TTC17: variants seen among roughly 807,000 people sequenced by gnomAD.
TTC17 encodes tetratricopeptide repeat protein 17.
TTC17 carries 58 observed loss-of-function variants against 143.8 expected under a neutral mutation model. The ratio of observed to expected loss-of-function variants is 0.40; its 90% CI spans 0.33 to 0.50. The LOEUF (loss-of-function observed/expected upper bound fraction) is 0.50. Ranked by LOEUF, TTC17 falls within the 20% of genes least tolerant of loss-of-function variation. The probability of loss-of-function intolerance (pLI) is 0.49; values close to 1 mark genes in which losing one functional copy is unlikely to be tolerated. For synonymous variants in TTC17, 501 were observed against 497.8 expected (o/e 1.01, Z -0.09); for missense variants, 1,273 against 1,392.5 (o/e 0.91, Z 1.37).
chr11:43,447,561 A>G (rs887296047), intron 18 of TTC17: 50 of 158,784 alleles, frequency 3.1e-4, no homozygotes, highest in Non-Finnish European at 1.4e-4. Flanking sequence ...TCCAATGCAC[A>G]GGACAGGTCC....
chr11:43,386,686 T>G (rs928340534), intron 2 of TTC17, among the ~76,000 whole-genome samples: 3 of 152,260 alleles, frequency 2.0e-5, no homozygotes, highest in Admixed American at 6.5e-5. Context: ...AACTAAAAGC[T>G]GATACTTGCC....
At chr11:43,458,218 G>A (rs1418027033) in intron 21 of TTC17, among the ~76,000 whole-genome samples, 3 of 152,086 alleles carry the variant, frequency 2.0e-5, no homozygotes, top group Non-Finnish European at 4.4e-5. Flanking sequence ...AAGAGCTCTT[G>A]ACTCTCATGT....
At chr11:43,492,521 C>G (rs1287810152) in intron 23 of TTC17, among the ~76,000 whole-genome samples, 1 of 152,176 alleles carries the variant, frequency 6.6e-6, no homozygotes, top group African/African-American at 2.4e-5. Flanking sequence ...GGCTAAGGTA[C>G]CTGTCATCGC....
chr11:43,414,074 T>C (rs1360514950), intron 15 of TTC17, among the ~76,000 whole-genome samples: 8 of 152,228 alleles, frequency 5.3e-5, no homozygotes, highest in Non-Finnish European at 1.0e-4. Context: ...TGTATTCTTA[T>C]GTTAGAACAT....
rs201134381 is a variant in TTC17 at position 43,400,916 on chromosome 11, TA to T, written c.1220-529del. ...AATTATACCCTTCTCCCTTGATAAGTATGTTGGTCAAGAAAGCCTCTTAACC... is the reference window on the plus strand; with the variant it reads ...AATTATACCCTTCTCCCTTGATAAGTTGTTGGTCAAGAAAGCCTCTTAACC... On this transcript the variant is annotated intron_variant, in intron 9 of 23. Transcript: ENST00000039989. Among the ~76,000 whole-genome samples, 1,181 of 152,310 alleles carry T rather than the reference TA, an allele frequency of 7.8e-3. 10 individuals carry two copies. The highest frequency in any genetic ancestry group is 0.013 in the Non-Finnish European group (916 of 68,010).
In TTC17 at chr11:43,400,056, G is replaced by A. The variant is rs201237040; in HGVS notation, c.1219+8G>A. ...CAAAAGAGGCACAATTAGGTAAGTAGTGACTCCAAGTAATTGAAGACAGGT... is the reference window on the plus strand; with the variant it reads ...CAAAAGAGGCACAATTAGGTAAGTAATGACTCCAAGTAATTGAAGACAGGT... On this transcript the variant is annotated splice_region_variant and intron_variant, in intron 9 of 23. Coordinates refer to ENST00000039989, the MANE Select transcript of TTC17 (RefSeq NM_018259.6). The A allele has an allele frequency of 1.4e-4, 224 of 1,609,404 alleles. 1 individual carries two copies. In the African/African-American group the frequency reaches 2.8e-3, roughly 20 times the overall value.
chr11:43,397,208 A>G lies in TTC17; in HGVS notation c.774-139A>G, dbSNP rs551224296. 42 of 957,854 alleles carry G rather than the reference A, an allele frequency of 4.4e-5. No individual in the cohort carries two copies. In the South Asian group the frequency reaches 5.9e-4, roughly 13 times the overall value. 59.3% of individuals were successfully genotyped at this position (957,854 alleles called of 1,614,324 possible). On this transcript the variant is annotated intron_variant, in intron 6 of 23. Coordinates refer to ENST00000039989, the MANE Select transcript of TTC17 (RefSeq NM_018259.6). ...GTAGCTATCAGATTAAGAGCCATCA[A>G]TAATTTAAAAATGAAACACTATGAT... is the stretch of plus-strand genomic sequence containing the variant.
intron 16 of TTC17, among the ~76,000 whole-genome samples, chr11:43,436,893 T>G (rs1308775932): frequency 6.6e-6 from 1 of 152,200 alleles, no homozygotes; most frequent in Non-Finnish European, 1.5e-5. Flanking sequence ...TGCTCTTAGC[T>G]TTCTTCTATC....
chr11:43,372,814 A>T (rs1856621198), intron 1 of TTC17, among the ~76,000 whole-genome samples: 1 of 152,092 alleles, frequency 6.6e-6, no homozygotes, highest in Non-Finnish European at 1.5e-5. Context: ...TAGGATGTTC[A>T]TTGTAATATT....
chr11:43,368,641 T>C (rs1429743552), intron 1 of TTC17, among the ~76,000 whole-genome samples: 3 of 152,172 alleles, frequency 2.0e-5, no homozygotes, highest in African/African-American at 4.8e-5. Context: ...TCTACTTTTG[T>C]CCCCTAGATC....
At chr11:43,442,052 C>G (rs1947434792) in intron 16 of TTC17, among the ~76,000 whole-genome samples, 2 of 152,122 alleles carry the variant, frequency 1.3e-5, no homozygotes, top group South Asian at 4.1e-4. Flanking sequence ...TACTGCACTC[C>G]CGCGTTATAT....
Position 43,450,095 on chromosome 11 carries a change from A to T in TTC17, c.2800A>T (p.Ile934Leu), listed in dbSNP as rs761825731. ...TCCATTTTTCAGCATCACAGAACAC[A>T]TAGATTTTGCCACCCCTATACAGCA... is the stretch of plus-strand genomic sequence containing the variant. The part of the protein sequence containing the change: ...SSKNIDITEH[I>L]DFATPIQQPA... Residue 934 changes from isoleucine to leucine, a missense_variant, in exon 20 of 24, where the codon ATA (isoleucine) becomes TTA (leucine). Transcript: ENST00000039989. 2 of 1,613,934 alleles carry T rather than the reference A, an allele frequency of 1.2e-6. No homozygotes were observed. Among genetic ancestry groups the T allele is most frequent in the Admixed American group, 3.3e-5 (2 of 59,974 alleles).
At chr11:43,412,831 T>C (rs1343316364) in intron 15 of TTC17, among the ~76,000 whole-genome samples, 1 of 152,180 alleles carries the variant, frequency 6.6e-6, no homozygotes. Flanking sequence ...TGTTCACACA[T>C]TGAGAGAGTC....
chr11:43,469,884 T>TC (rs1948060097), intron 21 of TTC17, among the ~76,000 whole-genome samples: 1 of 152,152 alleles, frequency 6.6e-6, no homozygotes, highest in Admixed American at 6.5e-5. Context: ...GAAGATGCTT[T>TC]TACCAACAGA....
intron 10 of TTC17, among the ~76,000 whole-genome samples, chr11:43,401,980 AAAATAAATAAATAAATAAATAAATAAAT>A (rs35991566): frequency 6.5e-4 from 91 of 140,438 alleles, no homozygotes; most frequent in African/African-American, 2.3e-3. Context: ...TGTGTCTCAA[AAAATAAATAAATAAATAAATAAATAAAT>A]AAATAAATAA....
At chr11:43,492,930 A>G (rs1948498354) in intron 23 of TTC17, among the ~76,000 whole-genome samples, 1 of 152,216 alleles carries the variant, frequency 6.6e-6, no homozygotes, top group Non-Finnish European at 1.5e-5. Flanking sequence ...TAGTCCCAAG[A>G]TGATCTCAGT....
chr11:43,486,720 C>T (rs1383121631), intron 21 of TTC17, among the ~76,000 whole-genome samples: 3 of 152,048 alleles, frequency 2.0e-5, no homozygotes, highest in African/African-American at 4.8e-5. Flanking sequence ...TAGTTATATA[C>T]CTAATATTTA....
intron 18 of TTC17, among the ~76,000 whole-genome samples, chr11:43,444,924 A>C (rs1947508217): frequency 6.6e-6 from 1 of 152,210 alleles, no homozygotes; most frequent in Admixed American, 6.5e-5. Context: ...GACGCATCAG[A>C]AAATTTAAAA....
At chr11:43,493,425 T>C (rs1169283893) in intron 23 of TTC17, among the ~76,000 whole-genome samples, 4 of 152,204 alleles carry the variant, frequency 2.6e-5, no homozygotes, top group Non-Finnish European at 5.9e-5. Flanking sequence ...ATAAAGCACC[T>C]AGCACAGCCT....
Sources: allele counts gnomAD v4.1 joint callset (sites outside exome capture counted in the v4.1 genomes callset), GRCh38; gene constraint gnomAD v4.1.1; transcripts MANE v1.5; gene names NCBI Gene and HGNC (gene_info 2026-07-23, HGNC 2026-07-21).